Variants in CLCN5 observed in about 807,000 individuals in gnomAD.
The protein encoded by CLCN5 is H(+)/Cl(-) exchange transporter 5.
In CLCN5, 17 loss-of-function variants were observed where a neutral mutation model predicts 54.0. The observed-to-expected ratio is 0.31, with a 90% CI of 0.22 to 0.47. The LOEUF (loss-of-function observed/expected upper bound fraction) is 0.47, where lower values mean the gene tolerates loss of function less well. Among genes scored for constraint, CLCN5 ranks in the 20% least tolerant of loss-of-function variants. The pLI, the probability that CLCN5 is intolerant of heterozygous loss-of-function variation, is 1.00. For missense variants in CLCN5, 448 were observed against 646.7 expected, an observed-to-expected ratio of 0.69 and a Z score of 3.33; for synonymous variants, 222 against 233.0, an observed-to-expected ratio of 0.95 and a Z score of 0.43.
At position 50,055,291 on chromosome X, in the gene CLCN5, A is replaced by T. The variant is rs142489102; in HGVS notation, c.163+12829A>T. On this transcript the variant is annotated intron_variant, in intron 4 of 14. Transcript: ENST00000376091. The stretch of plus-strand genomic sequence containing the variant: ...GTATGAATTTGGAAGGGACCTTAAC[A>T]TTATATTTACTAATACACCTTCATG... Among the ~76,000 whole-genome samples the T allele has an allele frequency of 7.4e-3, 832 of 112,012 alleles. 5 individuals carry two copies. The highest frequency in any genetic ancestry group is 0.012 in the Non-Finnish European group (641 of 53,197).
chrX:49,998,818 C>T (rs1484968008), intron 3 of CLCN5, among the ~76,000 whole-genome samples: 1 of 111,208 alleles, frequency 9.0e-6, no homozygotes, highest in Non-Finnish European at 1.9e-5. Flanking sequence ...TTCTCTCCTT[C>T]ACCCATGCAT....
intron 3 of CLCN5, chrX:50,003,658 C>T (rs908846781): frequency 2.0e-5 from 6 of 304,633 alleles, no homozygotes; most frequent in Admixed American, 1.7e-4. Flanking sequence ...GAAAAACACA[C>T]ACCCATGTGG....
chrX:49,974,812 G>C (rs1045558768), intron 3 of CLCN5, among the ~76,000 whole-genome samples: 71 of 112,195 alleles, frequency 6.3e-4, no homozygotes, highest in African/African-American at 2.2e-3. Flanking sequence ...GGAGTGGGTT[G>C]TGCAAGAGGT....
intron 4 of CLCN5, chrX:50,068,249 A>C (rs1325337949): frequency 4.5e-5 from 5 of 110,313 alleles, no homozygotes; most frequent in African/African-American, 1.7e-4. Flanking sequence ...CCACCTCCAC[A>C]CACACATACT....
At chrX:50,086,155 G>A (rs782753505) in intron 10 of CLCN5, 95 bp downstream of exon 10, 21 of 868,057 alleles carry the variant, frequency 2.4e-5, no homozygotes, top group Non-Finnish European at 3.4e-5. Context: ...TACAATATCT[G>A]TGTATATCCC....
At chrX:50,011,229 C>T (rs1434084038) in intron 3 of CLCN5, among the ~76,000 whole-genome samples, 1 of 111,560 alleles carries the variant, frequency 9.0e-6, no homozygotes, top group Admixed American at 9.5e-5. Context: ...AAGGACAGAG[C>T]TTTTGCACAT....
At position 50,098,047 on chromosome X, in the gene CLCN5, C is replaced by T. The variant is rs1211321439; in HGVS notation, c.*5828C>T. The T allele has an allele frequency of 8.9e-6, 1 of 111,831 alleles. No homozygotes were observed. Among genetic ancestry groups the T allele is most frequent in the Non-Finnish European group, 1.9e-5 (1 of 53,106 alleles). 9.2% of individuals were successfully genotyped at this position (111,831 alleles called of 1,213,427 possible). On this transcript the variant is annotated 3_prime_UTR_variant, in exon 15 of 15. Transcript: ENST00000376091. ...CCTTCCAGTGTGTTCCTTTTCCTTC[C>T]TCCATTTCACTTTGTCCCCTCTTCT...
intron 2 of CLCN5, among the ~76,000 whole-genome samples, chrX:49,924,245 C>G (rs1408775644): frequency 9.1e-6 from 1 of 109,689 alleles, no homozygotes; most frequent in African/African-American, 3.3e-5. Flanking sequence ...GCCTCCCTCC[C>G]GGGTTCAAGC....
intron 3 of CLCN5, among the ~76,000 whole-genome samples, chrX:50,019,500 A>C (rs1557184089): frequency 1.8e-5 from 1 of 54,556 alleles, no homozygotes; most frequent in Middle Eastern, 0.012. Context: ...ATTATACTCT[A>C]AGTTTTAGGG....
Position 49,929,648 on chromosome X carries a change from C to T in CLCN5, c.16+4334C>T, listed in dbSNP as rs375031173. 2.7e-5 allele frequency among the ~76,000 whole-genome samples: 3 copies of T among 111,679 alleles called. No individual in the cohort carries two copies. In the South Asian group the frequency reaches 1.1e-3, roughly 41 times the overall value. On this transcript the variant is annotated intron_variant, in intron 3 of 14. Coordinates refer to ENST00000376091, the MANE Select transcript of CLCN5 (RefSeq NM_001127898.4). ...TAATGTTTCTTAATAAAGGAGGGGA[C>T]ATCAGAATTACCTGTAGTGCTTTAA...
chrX:49,953,438 T>A (rs1927157477), intron 3 of CLCN5, among the ~76,000 whole-genome samples: 1 of 111,462 alleles, frequency 9.0e-6, no homozygotes, highest in Admixed American at 9.5e-5. Context: ...CCCAAATAGC[T>A]GAGACCATAG....
chrX:50,039,349 T>C (rs1932123229), intron 3 of CLCN5, among the ~76,000 whole-genome samples: 1 of 111,652 alleles, frequency 9.0e-6, no homozygotes, highest in African/African-American at 3.3e-5. Context: ...TTTATATGCA[T>C]AGTATACTTT....
chrX:49,938,540 A>G lies in CLCN5; in HGVS notation c.16+13226A>G, dbSNP rs1489018795. On this transcript the variant is annotated intron_variant, in intron 3 of 14. Coordinates refer to ENST00000376091, the MANE Select transcript of CLCN5 (RefSeq NM_001127898.4). Reference sequence around the variant, plus strand: ...CCTGACGAAAACAAGCAATGGGGAAAGGATTCCCTAGTTAATAAATGGTGC... The same window carrying G: ...CCTGACGAAAACAAGCAATGGGGAAGGGATTCCCTAGTTAATAAATGGTGC... Among the ~76,000 whole-genome samples, 3 of 111,876 alleles carry G rather than the reference A, an allele frequency of 2.7e-5. No homozygotes were observed. In the East Asian group the frequency reaches 8.4e-4, roughly 31 times the overall value.
intron 3 of CLCN5, among the ~76,000 whole-genome samples, chrX:49,963,134 G>C (rs1927687175): frequency 8.9e-6 from 1 of 112,009 alleles, no homozygotes; most frequent in Non-Finnish European, 1.9e-5. Context: ...TTGTGTAAAA[G>C]GATGGGTGCG....
At chrX:49,946,890 G>A (rs1467470117) in intron 3 of CLCN5, among the ~76,000 whole-genome samples, 3 of 110,278 alleles carry the variant, frequency 2.7e-5, no homozygotes, top group African/African-American at 3.3e-5. Flanking sequence ...GTGCAATGGC[G>A]TGATCTCGGC....
intron 6 of CLCN5, among the ~76,000 whole-genome samples, chrX:50,073,259 T>A (rs1348506528): frequency 9.0e-6 from 1 of 111,475 alleles, no homozygotes; most frequent in African/African-American, 3.3e-5. Context: ...TGGTAAGAGG[T>A]GTGTCCTTAT....
At chrX:50,076,383 T>C (rs1933404915) in intron 7 of CLCN5, among the ~76,000 whole-genome samples, 1 of 112,469 alleles carries the variant, frequency 8.9e-6, no homozygotes, top group Non-Finnish European at 1.9e-5. Context: ...AAAGTGATTT[T>C]CCCTGAGCAT....
chrX:50,062,193 A>G (rs1404215149), intron 4 of CLCN5, among the ~76,000 whole-genome samples: 44 of 90,565 alleles, frequency 4.9e-4, no homozygotes, highest in African/African-American at 1.8e-3. Context: ...AAATTCTCCA[A>G]TTAAAAGACA....
chrX:50,070,770 T>C (rs1557191441), intron 5 of CLCN5, among the ~76,000 whole-genome samples: 3 of 111,729 alleles, frequency 2.7e-5, no homozygotes, highest in African/African-American at 9.8e-5. Flanking sequence ...CAAGAGAATT[T>C]CCCCACTTTT....
Sources: gnomAD v4.1 joint callset for allele counts (sites outside exome capture counted in the v4.1 genomes callset) on GRCh38, gnomAD v4.1.1 for gene constraint, MANE v1.5 for transcripts, NCBI Gene and HGNC (gene_info 2026-07-23, HGNC 2026-07-21) for gene names.